Variants in ZFHX3 observed in about 807,000 individuals in gnomAD.
The protein encoded by ZFHX3 is zinc finger homeobox 3, also known as zinc finger homeobox protein 3.
ZFHX3 carries 42 observed loss-of-function variants against 279.1 expected under a neutral mutation model. That is an observed-to-expected ratio of 0.15 (90% confidence interval 0.12 to 0.19). The LOEUF (loss-of-function observed/expected upper bound fraction) is 0.19, where lower values mean the gene tolerates loss of function less well. Among genes scored for constraint, ZFHX3 ranks in the 10% least tolerant of loss-of-function variants. The pLI, the probability that ZFHX3 is intolerant of heterozygous loss-of-function variation, is 1.00. For synonymous variants in ZFHX3, 2,293 were observed against 1,957.8 expected, an observed-to-expected ratio of 1.17 and a Z score of -4.52; for missense variants, 4,981 against 4,754.0, an observed-to-expected ratio of 1.05 and a Z score of -1.40.
At chr16:73,407,127 G>T (rs1421618141) in intron 3 of ZFHX3, among the ~76,000 whole-genome samples, 1 of 152,132 alleles carries the variant, frequency 6.6e-6, no homozygotes. Flanking sequence ...ATACTCAGTG[G>T]GTGGAGGCCA....
intron 1 of ZFHX3, among the ~76,000 whole-genome samples, chr16:73,683,740 G>A (rs941442329): frequency 1.3e-5 from 2 of 152,160 alleles, no homozygotes; most frequent in Non-Finnish European, 2.9e-5. Flanking sequence ...GACAGCAGCA[G>A]CCATTAAGCC....
rs144419749 is a variant in ZFHX3, at chr16:72,788,572, T to C, written c.9704A>G (p.Lys3235Arg). 5.5e-5 allele frequency: 89 copies of C among 1,613,950 alleles called. No individual in the cohort carries two copies. Among genetic ancestry groups the C allele is most frequent in the Non-Finnish European group, 6.8e-5 (80 of 1,180,006 alleles). ...PLQQQQQRKD[K>R]DSEKVKEKEK... The stretch of plus-strand genomic sequence containing the variant: ...CTTCTCCTTTACTTTCTCACTGTCT[T>C]TGTCCTTGCGTTGCTGCTGCTGTTG... Residue 3235 changes from lysine (K) to arginine (R), a missense_variant, in exon 10 of 10, where the codon AAA (lysine) becomes AGA (arginine). By Grantham distance (26) the Lys-to-Arg change is conservative. Transcript: ENST00000268489.
At chr16:73,391,096 G>T (rs758907740) in intron 3 of ZFHX3, among the ~76,000 whole-genome samples, 1 of 152,160 alleles carries the variant, frequency 6.6e-6, no homozygotes, top group Admixed American at 6.5e-5. Context: ...TGACCTGAGC[G>T]TGGGAGGCAC....
chr16:73,719,517 A>C (rs1001869062), intron 1 of ZFHX3, among the ~76,000 whole-genome samples: 1 of 152,238 alleles, frequency 6.6e-6, no homozygotes, highest in Non-Finnish European at 1.5e-5. Context: ...ATAGTAGCTG[A>C]TGCTACTATT....
Position 72,957,830 on chromosome 16 carries a change from C to T in ZFHX3, c.2316G>A (p.Ala772=), listed in dbSNP as rs779532790. ...CCGCCGCAGCCACCGCCGCCGCCGC[C>T]GCCCCGGCAGTGTGGCTGAAGACCT... is the stretch of plus-strand genomic sequence containing the variant. ...GEQVFSHTAG[A]AAAAVAAAAA... is the part of the protein sequence containing the mutation. The change falls in exon 2 of 10, where the codon GCG becomes GCA. Residue 772 remains alanine (A), a synonymous_variant. Coordinates refer to ENST00000268489, the MANE Select transcript of ZFHX3 (RefSeq NM_006885.4). 25 of 1,611,388 alleles carry T rather than the reference C, an allele frequency of 1.6e-5. No homozygotes were observed. Among genetic ancestry groups the T allele is most frequent in the Middle Eastern group, 1.6e-4 (1 of 6,080 alleles).
intron 2 of ZFHX3, among the ~76,000 whole-genome samples, chr16:73,470,320 T>C (rs2018644882): frequency 6.6e-6 from 1 of 152,178 alleles, no homozygotes; most frequent in South Asian, 2.1e-4. Flanking sequence ...ACCCAGGCCA[T>C]GTCCTATAAT....
chr16:73,381,848 G>T (rs189024314), intron 3 of ZFHX3, among the ~76,000 whole-genome samples: 41 of 152,296 alleles, frequency 2.7e-4, no homozygotes, highest in African/African-American at 9.4e-4. Context: ...GTGACAGGCC[G>T]CATTCAAAGC....
chr16:73,485,829 T>C (rs754922315), intron 2 of ZFHX3, among the ~76,000 whole-genome samples: 2 of 152,176 alleles, frequency 1.3e-5, no homozygotes, highest in Non-Finnish European at 2.9e-5. Flanking sequence ...CCACACAGCC[T>C]TCCAGCCTTG....
intron 4 of ZFHX3, among the ~76,000 whole-genome samples, chr16:72,832,255 C>G (rs1264869360): frequency 6.6e-6 from 1 of 152,112 alleles, no homozygotes; most frequent in Non-Finnish European, 1.5e-5. Flanking sequence ...TGAGCCTTAC[C>G]AAACAAATCT....
chr16:73,099,787 G>A (rs1966209543), intron 7 of ZFHX3, among the ~76,000 whole-genome samples: 1 of 152,042 alleles, frequency 6.6e-6, no homozygotes, highest in African/African-American at 2.4e-5. Flanking sequence ...CGTGGGGTGG[G>A]AAGGGGAAGG....
intron 1 of ZFHX3, among the ~76,000 whole-genome samples, chr16:73,878,451 A>T (rs917078877): frequency 6.6e-6 from 1 of 152,176 alleles, no homozygotes; most frequent in Non-Finnish European, 1.5e-5. Context: ...CCTTCTCTTC[A>T]CAACGACACT....
At chr16:73,598,552 G>A (rs2143856536) in intron 2 of ZFHX3, among the ~76,000 whole-genome samples, 1 of 151,298 alleles carries the variant, frequency 6.6e-6, no homozygotes, top group Admixed American at 6.6e-5. Context: ...TGAGTAGCTA[G>A]GACCACAAGC....
At chr16:72,912,131 C>T (rs549267208) in intron 3 of ZFHX3, among the ~76,000 whole-genome samples, 8 of 152,322 alleles carry the variant, frequency 5.3e-5, no homozygotes, top group Admixed American at 3.9e-4. Flanking sequence ...CCAGCATGGC[C>T]ATGCAGCCCA....
At chr16:73,811,736 C>T (rs1455368802) in intron 1 of ZFHX3, among the ~76,000 whole-genome samples, 2 of 152,098 alleles carry the variant, frequency 1.3e-5, no homozygotes, top group Non-Finnish European at 2.9e-5. Flanking sequence ...TGAGCCACCG[C>T]GCCCGGGCCC....
At chr16:73,709,963 C>T (rs1483499582) in intron 1 of ZFHX3, among the ~76,000 whole-genome samples, 1 of 152,130 alleles carries the variant, frequency 6.6e-6, no homozygotes, top group Non-Finnish European at 1.5e-5. Flanking sequence ...GGGTGGATCA[C>T]CTGAGGTCAG....
intron 1 of ZFHX3, among the ~76,000 whole-genome samples, chr16:73,710,884 G>C (rs2053355901): frequency 1.3e-5 from 2 of 152,170 alleles, no homozygotes; most frequent in African/African-American, 4.8e-5. Flanking sequence ...GCCGTGCTGA[G>C]GGTCTCCAAC....
At chr16:73,083,029 A>AT (rs1965969282) in intron 8 of ZFHX3, among the ~76,000 whole-genome samples, 1 of 16,306 alleles carries the variant, frequency 6.1e-5, no homozygotes, top group African/African-American at 7.3e-5. Context: ...ACTAAAAAAA[A>AT]AAAAAAAAAA....
chr16:73,161,410 C>T (rs556127158), intron 5 of ZFHX3, among the ~76,000 whole-genome samples: 1 of 152,322 alleles, frequency 6.6e-6, no homozygotes, highest in Non-Finnish European at 1.5e-5. Flanking sequence ...GGTTATTGAT[C>T]ACATTCCACG....
At chr16:73,366,154 T>C (rs1567462233) in intron 3 of ZFHX3, among the ~76,000 whole-genome samples, 1 of 152,190 alleles carries the variant, frequency 6.6e-6, no homozygotes, top group Admixed American at 6.5e-5. Context: ...GTTTGGCAGC[T>C]TGAGTAGGGA....
Sources: gnomAD v4.1 joint callset for allele counts (sites outside exome capture counted in the v4.1 genomes callset) on GRCh38, gnomAD v4.1.1 for gene constraint, MANE v1.5 for transcripts, NCBI Gene and HGNC (gene_info 2026-07-23, HGNC 2026-07-21) for gene names.